Variants in POLE2 observed in about 807,000 individuals in gnomAD.
POLE2 encodes the protein DNA polymerase epsilon subunit 2.
A neutral mutation model predicts 79.4 loss-of-function variants in POLE2; 56 were observed. That is an observed-to-expected ratio of 0.71 (90% CI 0.57 to 0.88). The LOEUF (loss-of-function observed/expected upper bound fraction) is 0.88. Among genes scored for constraint, POLE2 ranks in the 40% least tolerant of loss-of-function variants. The probability of loss-of-function intolerance (pLI) is 0.00; values close to 1 mark genes in which losing one functional copy is unlikely to be tolerated. For missense variants in POLE2, 598 were observed against 638.9 expected, an observed-to-expected ratio of 0.94 and a Z score of 0.69; for synonymous variants, 212 against 214.0, an observed-to-expected ratio of 0.99 and a Z score of 0.08.
At chr14:49,653,227 A>AG (rs1884406814) in intron 15 of POLE2, among the ~76,000 whole-genome samples, 1 of 152,190 alleles carries the variant, frequency 6.6e-6, no homozygotes, top group African/African-American at 2.4e-5. Context: ...TAAATGTGGA[A>AG]GGTGTCAATA....
At chr14:49,667,632 T>TA (rs1368839881) in intron 6 of POLE2, among the ~76,000 whole-genome samples, 3 of 151,836 alleles carry the variant, frequency 2.0e-5, no homozygotes, top group Non-Finnish European at 4.4e-5. Context: ...ACTGCAGCCT[T>TA]AAACTGGGCT....
rs45520531 is a variant in POLE2, at chr14:49,673,564, T to C, written c.417+559A>G. Among the ~76,000 whole-genome samples, 1,515 of 152,326 alleles carry C rather than the reference T, an allele frequency of 9.9e-3. 13 individuals carry two copies. Among genetic ancestry groups the C allele is most frequent in the Admixed American group, 0.013 (202 of 15,294 alleles). On this transcript the variant is annotated intron_variant, in intron 5 of 18. Transcript: ENST00000216367. Reference sequence around the variant, plus strand: ...CATTTCCTTGAAGCCTTTCCTGATTTTTCTATTGAATACATTGTTTGTATC... The same window carrying C: ...CATTTCCTTGAAGCCTTTCCTGATTCTTCTATTGAATACATTGTTTGTATC...
intron 1 of POLE2, among the ~76,000 whole-genome samples, chr14:49,686,659 C>G (rs1174238798): frequency 6.6e-6 from 1 of 152,200 alleles, no homozygotes; most frequent in Non-Finnish European, 1.5e-5. Flanking sequence ...CTACAAAGCT[C>G]TTGCTCTCTA....
intron 10 of POLE2, among the ~76,000 whole-genome samples, chr14:49,656,151 C>G (rs1042643346): frequency 6.6e-6 from 1 of 151,960 alleles, no homozygotes; most frequent in Non-Finnish European, 1.5e-5. Flanking sequence ...GTCAGGAGAT[C>G]GAGACCATCC....
chr14:49,653,876 A>AGCAACG (rs1385906379), intron 15 of POLE2, 114 bp downstream of exon 15: 9 of 626,104 alleles, frequency 1.4e-5, no homozygotes, highest in Non-Finnish European at 2.5e-5. Flanking sequence ...CGGAACTCCA[A>AGCAACG]GCAACCTGCC....
chr14:49,644,286 G>A (rs1010178940), intron 18 of POLE2, among the ~76,000 whole-genome samples: 6 of 150,690 alleles, frequency 4.0e-5, no homozygotes, highest in Non-Finnish European at 8.9e-5. Context: ...AGAGGCGGGT[G>A]GATCACCTGA....
rs577900640 is a variant in POLE2 at position 49,649,282 on chromosome 14, GA to G, written c.1497+982del. ...CTACCTCAGCCTCCCGAGTAGCTGG[GA>G]CTAGAGGCGCCCGCCACCTCGCCCA... On this transcript the variant is annotated intron_variant, in intron 17 of 18. Transcript: ENST00000216367. 8.7e-4 allele frequency among the ~76,000 whole-genome samples: 131 copies of G among 150,996 alleles called. 1 individual carries two copies. Among genetic ancestry groups the G allele is most frequent in the African/African-American group, 3.0e-3 (121 of 40,916 alleles).
At chr14:49,679,852 C>T in intron 2 of POLE2, 52 bp from the exon 3 acceptor site, 1 of 979,480 alleles carries the variant, frequency 1.0e-6, no homozygotes, top group Non-Finnish European at 1.6e-6. Context: ...AAAAATAGTT[C>T]TTTCCACAGA....
At chr14:49,687,300 C>CCACACACA (rs60811856) in intron 1 of POLE2, among the ~76,000 whole-genome samples, 6,190 of 139,772 alleles carry the variant, frequency 0.044, 197 homozygotes, top group Non-Finnish European at 0.061. Context: ...TACACACACA[C>CCACACACA]CACACACACA....
Position 49,649,240 on chromosome 14 carries a change from G to A in POLE2, c.1497+1025C>T, listed in dbSNP as rs559561724. On this transcript the variant is annotated intron_variant, in intron 17 of 18. Transcript: ENST00000216367. ...TGGCTCACTACAAGCTCTGTCTCCC[G>A]GGTTCACGCCATTCTCCTACCTCAG... Among the ~76,000 whole-genome samples the A allele has an allele frequency of 2.0e-4, 26 of 132,544 alleles. 1 individual carries two copies. The South Asian group carries it at 4.5e-3, about 23-fold the overall frequency. The allele number at this position is 132,544 out of a possible 152,430, so 87.0% of individuals were successfully genotyped here.
chr14:49,673,365 A>C (rs756371765), intron 5 of POLE2, among the ~76,000 whole-genome samples: 10 of 152,104 alleles, frequency 6.6e-5, no homozygotes, highest in Non-Finnish European at 1.2e-4. Flanking sequence ...GTGGCATCCA[A>C]AGTGCTCCTA....
chr14:49,654,140 C>A lies in POLE2; in HGVS notation c.1133+15G>T, dbSNP rs3212323. On this transcript the variant is annotated intron_variant, in intron 14 of 18. Transcript: ENST00000216367. ...AAATTTTCTACACTGTTGCAAAAAT[C>A]TGAACAAAACTTACCTTGGTAAGAT... 4 of 1,605,614 alleles carry A rather than the reference C, an allele frequency of 2.5e-6. No individual in the cohort carries two copies. The highest frequency in any genetic ancestry group is 3.4e-6 in the Non-Finnish European group (4 of 1,174,366).
In POLE2 at chr14:49,654,985, ATT is replaced by A. The variant is rs745982332; in HGVS notation, c.1018+18_1018+19del. The A allele has an allele frequency of 2.0e-5, 29 of 1,483,842 alleles. No individual in the cohort carries two copies. Among genetic ancestry groups the A allele is most frequent in the Admixed American group, 6.2e-5 (3 of 48,408 alleles). 91.9% of individuals were successfully genotyped at this position (1,483,842 alleles called of 1,614,324 possible). On this transcript the variant is annotated intron_variant, in intron 12 of 18. Transcript: ENST00000216367. ...TTATATGACTATAGAAACACTTCTT[ATT>A]AAATAGATCGTTAATACCTTTCAAA...
At chr14:49,675,027 AAAC>A (rs1886164736) in intron 3 of POLE2, among the ~76,000 whole-genome samples, 3 of 152,210 alleles carry the variant, frequency 2.0e-5, no homozygotes, top group African/African-American at 7.2e-5. Context: ...AGAATTATAT[AAAC>A]AATAGTCACA....
chr14:49,684,174 T>G (rs1886939386), intron 1 of POLE2, among the ~76,000 whole-genome samples: 1 of 151,982 alleles, frequency 6.6e-6, no homozygotes, highest in South Asian at 2.1e-4. Flanking sequence ...AGAAAAAAAA[T>G]AGGCTTGGCT....
In POLE2 at chr14:49,646,301, G is replaced by GTTT. The variant is rs1566522550; in HGVS notation, c.1565+991_1565+992insAAA. Among the ~76,000 whole-genome samples, 31 of 90,756 alleles carry GTTT rather than the reference G, an allele frequency of 3.4e-4. 1 individual carries two copies. The highest frequency in any genetic ancestry group is 1.4e-3 in the African/African-American group (29 of 21,042). 59.5% of individuals were successfully genotyped at this position (90,756 alleles called of 152,430 possible). On this transcript the variant is annotated intron_variant, in intron 18 of 18. Transcript: ENST00000216367. ...TGATTTGGTCAGTTGTTTTTTTGTT[G>GTTT]GTTTTTTTTTTTTTTTTTTTTTTTT...
chr14:49,655,622 C>T, intron 11 of POLE2, 49 bp downstream of exon 11: 1 of 1,312,248 alleles, frequency 7.6e-7, no homozygotes, highest in Non-Finnish European at 1.1e-6. Context: ...AGTTTTAAAA[C>T]ATGAACCCTT....
intron 3 of POLE2, among the ~76,000 whole-genome samples, chr14:49,678,462 A>G (rs1309110986): frequency 2.6e-5 from 4 of 152,174 alleles, no homozygotes; most frequent in Non-Finnish European, 5.9e-5. Context: ...CAAATCTGGG[A>G]GCAAGAGAAT....
At position 49,682,303 on chromosome 14, in the gene POLE2, C is replaced by T. The variant is rs943441326; in HGVS notation, c.169+1290G>A. Among the ~76,000 whole-genome samples the T allele has an allele frequency of 2.6e-5, 4 of 151,024 alleles. No homozygotes were observed. In the East Asian group the frequency reaches 5.9e-4, roughly 22 times the overall value. On this transcript the variant is annotated intron_variant, in intron 2 of 18. Transcript: ENST00000216367. ...TACAGGTGTTAGCCACCATGCCTGG[C>T]CCCACTTATTCTTATCACAAGCGTT...
Sources: gnomAD v4.1 joint callset for allele counts (sites outside exome capture counted in the v4.1 genomes callset) on GRCh38, gnomAD v4.1.1 for gene constraint, MANE v1.5 for transcripts, NCBI Gene and HGNC (gene_info 2026-07-23, HGNC 2026-07-21) for gene names.